Variants in CREB5 observed in about 807,000 individuals in gnomAD.
The protein encoded by CREB5 is cyclic AMP-responsive element-binding protein 5.
In CREB5, 19 loss-of-function variants were observed where a neutral mutation model predicts 57.1. That is an observed-to-expected ratio of 0.33 (90% CI 0.23 to 0.49). The LOEUF is 0.49. Among genes scored for constraint, CREB5 ranks in the 20% least tolerant of loss-of-function variants. CREB5 has a pLI of 0.99. For synonymous variants in CREB5, 238 were observed against 238.3 expected (o/e 1.00, Z 0.01); for missense variants, 579 against 671.6 (o/e 0.86, Z 1.52).
chr7:28,572,452 C>T (rs924258156), intron 5 of CREB5, among the ~76,000 whole-genome samples: 1 of 152,226 alleles, frequency 6.6e-6, no homozygotes, highest in Non-Finnish European at 1.5e-5. Flanking sequence ...CCAGGGACTT[C>T]TCTCAAGTGG....
At chr7:28,352,062 T>C (rs1786199937) in intron 1 of CREB5, among the ~76,000 whole-genome samples, 1 of 152,264 alleles carries the variant, frequency 6.6e-6, no homozygotes, top group Admixed American at 6.5e-5. Flanking sequence ...CTTAATATTC[T>C]GTTATCATTT....
chr7:28,737,505 C>G (rs191989389), intron 7 of CREB5, among the ~76,000 whole-genome samples: 2,262 of 128,568 alleles, frequency 0.018, 49 homozygotes, highest in South Asian at 0.083. Flanking sequence ...CTCTCTCTCT[C>G]TGTGTGTGTG....
chr7:28,326,153 TTATCTATCTATCTATCTATC>T (rs58259868), intron 1 of CREB5, among the ~76,000 whole-genome samples: 121 of 146,210 alleles, frequency 8.3e-4, no homozygotes, highest in East Asian at 3.6e-3. Context: ...CACACACACA[TTATCTATCTATCTATCTATC>T]TATCTATCTA....
At chr7:28,381,696 G>C (rs1786970634) in intron 1 of CREB5, among the ~76,000 whole-genome samples, 1 of 152,118 alleles carries the variant, frequency 6.6e-6, no homozygotes, top group Admixed American at 6.5e-5. Flanking sequence ...GTTAATCCCT[G>C]ATAAAATTGG....
At chr7:28,490,370 G>A (rs1289080983) in intron 2 of CREB5, among the ~76,000 whole-genome samples, 1 of 152,218 alleles carries the variant, frequency 6.6e-6, no homozygotes, top group East Asian at 1.9e-4. Context: ...TAAGGAAGGG[G>A]CATTTAATGG....
chr7:28,715,866 T>C (rs551592146), intron 5 of CREB5, among the ~76,000 whole-genome samples: 1 of 152,282 alleles, frequency 6.6e-6, no homozygotes, highest in East Asian at 1.9e-4. Flanking sequence ...CATTAGGAAA[T>C]TATTATTATA....
intron 1 of CREB5, among the ~76,000 whole-genome samples, chr7:28,477,157 C>A (rs1791109425): frequency 6.6e-6 from 1 of 152,234 alleles, no homozygotes; most frequent in Non-Finnish European, 1.5e-5. Context: ...AACAAGTTCA[C>A]TGTGATGGGT....
intron 5 of CREB5, among the ~76,000 whole-genome samples, chr7:28,664,984 G>A (rs1262573124): frequency 6.6e-6 from 1 of 152,158 alleles, no homozygotes; most frequent in Admixed American, 6.5e-5. Context: ...GCTCTTTCTG[G>A]TCATCATAAT....
intron 2 of CREB5, among the ~76,000 whole-genome samples, chr7:28,491,815 C>T (rs1284661841): frequency 2.0e-5 from 3 of 152,106 alleles, no homozygotes; most frequent in Non-Finnish European, 2.9e-5. Flanking sequence ...GTCCTACAGC[C>T]TGGGAACCTG....
intron 5 of CREB5, among the ~76,000 whole-genome samples, chr7:28,586,364 T>G (rs1435899292): frequency 6.6e-6 from 1 of 152,208 alleles, no homozygotes; most frequent in Non-Finnish European, 1.5e-5. Flanking sequence ...AGGGTGTTCT[T>G]TTAATCTTTC....
At chr7:28,406,616 G>A (rs557315179) in intron 1 of CREB5, among the ~76,000 whole-genome samples, 1 of 152,340 alleles carries the variant, frequency 6.6e-6, no homozygotes, top group African/African-American at 2.4e-5. Context: ...CATTCCTAGT[G>A]GTGGTGCTGG....
intron 2 of CREB5, among the ~76,000 whole-genome samples, chr7:28,488,868 G>T (rs1241021377): frequency 6.6e-6 from 1 of 152,184 alleles, no homozygotes; most frequent in Non-Finnish European, 1.5e-5. Flanking sequence ...TTAACATAGG[G>T]TCTGCACACA....
At chr7:28,308,722 A>C (rs1785227891) in intron 1 of CREB5, among the ~76,000 whole-genome samples, 1 of 152,098 alleles carries the variant, frequency 6.6e-6, no homozygotes, top group African/African-American at 2.4e-5. Flanking sequence ...TTTCTTGCCC[A>C]TTGCAGGAAT....
chr7:28,573,802 A>G (rs1795796798), intron 5 of CREB5, among the ~76,000 whole-genome samples: 1 of 152,216 alleles, frequency 6.6e-6, no homozygotes, highest in Non-Finnish European at 1.5e-5. Context: ...TGCTTTTTGA[A>G]CAGGCACTGA....
rs143749238 is a variant in CREB5, at chr7:28,372,824, G to A, written c.-25+73383G>A. Among the ~76,000 whole-genome samples, 222 of 152,284 alleles carry A rather than the reference G, an allele frequency of 1.5e-3. 4 individuals carry two copies. In the East Asian group the frequency reaches 0.037, roughly 25 times the overall value. Reference sequence around the variant, plus strand: ...TTCCTATTATCAAACTGAGGACCATGCAACTCTCTTAAAAATTGTATTAAA... The same window carrying A: ...TTCCTATTATCAAACTGAGGACCATACAACTCTCTTAAAAATTGTATTAAA... On this transcript the variant is annotated intron_variant, in intron 1 of 9. Coordinates refer to the CREB5 transcript ENST00000396299.
intron 3 of CREB5, among the ~76,000 whole-genome samples, chr7:28,497,627 A>G (rs975270917): frequency 6.6e-6 from 1 of 152,244 alleles, no homozygotes; most frequent in Non-Finnish European, 1.5e-5. Context: ...TTAGGTTCAT[A>G]GAATTTTCTT....
chr7:28,365,293 T>A (rs916724525), intron 1 of CREB5, among the ~76,000 whole-genome samples: 12 of 152,186 alleles, frequency 7.9e-5, no homozygotes, highest in Admixed American at 7.2e-4. Flanking sequence ...ATGAACACAA[T>A]GGTACTGGCG....
intron 5 of CREB5, among the ~76,000 whole-genome samples, chr7:28,685,432 G>A (rs924530888): frequency 4.1e-4 from 62 of 152,152 alleles, no homozygotes; most frequent in African/African-American, 1.4e-3. Flanking sequence ...GATGCGAGAA[G>A]TCTCCGGAGG....
chr7:28,561,103 CTTCT>C (rs1795255968), intron 4 of CREB5, among the ~76,000 whole-genome samples: 2 of 152,094 alleles, frequency 1.3e-5, no homozygotes, highest in East Asian at 3.9e-4. Flanking sequence ...TTTCATATTC[CTTCT>C]AAGCTGGAGG....
Sources: gnomAD v4.1 joint callset for allele counts (sites outside exome capture counted in the v4.1 genomes callset) on GRCh38, gnomAD v4.1.1 for gene constraint, MANE v1.5 for transcripts, NCBI Gene and HGNC (gene_info 2026-07-23, HGNC 2026-07-21) for gene names.